The following AP1G1 variants were observed in gnomAD, a reference collection of about 807,000 sequenced individuals.
AP1G1 encodes AP-1 complex subunit gamma-1.
In AP1G1, 7 loss-of-function variants were observed where a neutral mutation model predicts 108.3. That is an observed-to-expected ratio of 0.06 (90% CI 0.04 to 0.12). AP1G1 has a LOEUF of 0.12. Among genes scored for constraint, AP1G1 ranks in the 10% least tolerant of loss-of-function variants. AP1G1 has a pLI of 1.00. For missense variants in AP1G1, 756 were observed against 1,010.7 expected, an observed-to-expected ratio of 0.75 and a Z score of 3.42; for synonymous variants, 379 against 353.5, an observed-to-expected ratio of 1.07 and a Z score of -0.81.
At chr16:71,802,892 C>T (rs538898712) in intron 1 of AP1G1, among the ~76,000 whole-genome samples, 5 of 152,158 alleles carry the variant, frequency 3.3e-5, no homozygotes, top group South Asian at 4.1e-4. Context: ...TGAGAAAACA[C>T]GTAACATCTT....
chr16:71,744,537 G>T (rs1044770926), intron 19 of AP1G1, among the ~76,000 whole-genome samples: 5 of 150,884 alleles, frequency 3.3e-5, no homozygotes, highest in Non-Finnish European at 7.4e-5. Context: ...AAGGTGATAC[G>T]GGATATATTT....
At chr16:71,737,328 G>A (rs1224004074) in intron 21 of AP1G1, among the ~76,000 whole-genome samples, 2 of 151,962 alleles carry the variant, frequency 1.3e-5, no homozygotes, top group Non-Finnish European at 2.9e-5. Context: ...CTATCACCCA[G>A]GCTAAAGTGC....
chr16:71,750,976 G>C (rs1409071181), intron 13 of AP1G1, among the ~76,000 whole-genome samples: 6 of 151,478 alleles, frequency 4.0e-5, no homozygotes, highest in Non-Finnish European at 5.9e-5. Flanking sequence ...CTAACACGAT[G>C]AAACCCCGTC....
intron 9 of AP1G1, 137 bp downstream of exon 9, chr16:71,764,213 T>C (rs1480214888): frequency 1.8e-6 from 1 of 560,662 alleles, no homozygotes; most frequent in Non-Finnish European, 3.2e-6. Context: ...ATACCAAAAA[T>C]CCAGCATTCC....
Position 71,758,925 on chromosome 16 carries a change from G to T in AP1G1, c.975-4C>A, listed in dbSNP as rs760607759. On this transcript the variant is annotated splice_polypyrimidine_tract_variant and splice_region_variant and intron_variant, in intron 10 of 22. Coordinates refer to ENST00000299980, the MANE Select transcript of AP1G1 (RefSeq NM_001128.6). ...CAAAGATGTCAGAGCCACATATCTG[G>T]ATGAAACAGTTGCAAAATAACAGAG... The T allele has an allele frequency of 6.5e-6, 10 of 1,537,058 alleles. No homozygotes were observed. In the Admixed American group the frequency reaches 1.9e-4, roughly 30 times the overall value.
intron 5 of AP1G1, among the ~76,000 whole-genome samples, chr16:71,770,876 T>C (rs1039760050): frequency 2.0e-5 from 3 of 152,230 alleles, no homozygotes; most frequent in Non-Finnish European, 4.4e-5. Context: ...GTAGGCTCAT[T>C]TGTATATTAC....
intron 21 of AP1G1, among the ~76,000 whole-genome samples, chr16:71,736,929 T>C (rs2045557548): frequency 6.6e-6 from 1 of 151,936 alleles, no homozygotes; most frequent in South Asian, 2.1e-4. Context: ...TACATTATCA[T>C]GTTGCACTGT....
rs572733588 is a variant in AP1G1, at chr16:71,734,902, T to C, written c.2269-195A>G. ...TGACTCCCTGTGGTATTTGTAAAAA[T>C]CCACTGTTCGGTTCTTTGATCATGA... On this transcript the variant is annotated intron_variant, in intron 21 of 22. Transcript: ENST00000299980. Among the ~76,000 whole-genome samples the C allele has an allele frequency of 2.0e-5, 3 of 152,336 alleles. No homozygotes were observed. In the South Asian group the frequency reaches 6.2e-4, roughly 32 times the overall value.
At chr16:71,801,846 C>A (rs574960552) in intron 1 of AP1G1, among the ~76,000 whole-genome samples, 45 of 148,834 alleles carry the variant, frequency 3.0e-4, no homozygotes, top group African/African-American at 1.1e-3. Flanking sequence ...GGCATGAACC[C>A]GGGAGGCGGA....
rs1479200599 is a variant in AP1G1, at chr16:71,807,999, G to A, written c.-4+764C>T. Reference sequence around the variant, plus strand: ...TTAATCTGCTTCATAAACATAATCTGCTTCATAAACATTACCCTGAGCGAG... The same window carrying A: ...TTAATCTGCTTCATAAACATAATCTACTTCATAAACATTACCCTGAGCGAG... On this transcript the variant is annotated intron_variant, in intron 1 of 22. Transcript: ENST00000299980. 4 of 1,218,066 alleles carry A rather than the reference G, an allele frequency of 3.3e-6. No homozygotes were observed. The African/African-American group carries it at 6.3e-5, about 19-fold the overall frequency. 75.5% of individuals were successfully genotyped at this position (1,218,066 alleles called of 1,614,324 possible).
At chr16:71,743,536 G>C (rs1295049434) in intron 19 of AP1G1, 1 of 151,480 alleles carries the variant, frequency 6.6e-6, no homozygotes, top group Non-Finnish European at 1.5e-5. Flanking sequence ...GCAGGAGGCA[G>C]AGGTTGAAGT....
At position 71,798,052 on chromosome 16, in the gene AP1G1, C is replaced by A. The variant is rs183179858; in HGVS notation, c.-3-8570G>T. Reference sequence around the variant, plus strand: ...AAATTTAGTAAGAAAGGTATAGGAACTATACGAAAAAAACTACGAAATCTA... The same window carrying A: ...AAATTTAGTAAGAAAGGTATAGGAAATATACGAAAAAAACTACGAAATCTA... On this transcript the variant is annotated intron_variant, in intron 1 of 22. Coordinates refer to ENST00000299980, the MANE Select transcript of AP1G1 (RefSeq NM_001128.6). Among the ~76,000 whole-genome samples the A allele has an allele frequency of 3.0e-3, 464 of 152,216 alleles. 2 individuals are homozygous for A. The highest frequency in any genetic ancestry group is 0.011 in the African/African-American group (442 of 41,542).
At chr16:71,764,262 T>A in intron 9 of AP1G1, 88 bp downstream of exon 9, 1 of 708,202 alleles carries the variant, frequency 1.4e-6, no homozygotes, top group Non-Finnish European at 2.3e-6. Context: ...GAGTTCCAAA[T>A]GGAATACAAT....
chr16:71,746,170 C>T (rs544825827), intron 17 of AP1G1, among the ~76,000 whole-genome samples: 14 of 152,256 alleles, frequency 9.2e-5, no homozygotes, highest in Middle Eastern at 6.8e-3. Flanking sequence ...CCACCATGCC[C>T]AACTAATTTT....
intron 3 of AP1G1, 170 bp downstream of exon 3, chr16:71,774,298 A>C (rs1175726922): frequency 3.1e-6 from 2 of 643,024 alleles, no homozygotes; most frequent in Non-Finnish European, 5.1e-6. Flanking sequence ...GAATCACTTC[A>C]ACCAGACTGG....
chr16:71,731,789 T>G lies in AP1G1; in HGVS notation c.*1269A>C, dbSNP rs566470871. 6.5e-6 allele frequency: 1 copy of G among 152,762 alleles called. No homozygotes were observed. The highest frequency in any genetic ancestry group is 1.9e-4 in the East Asian group (1 of 5,190). 9.5% of individuals were successfully genotyped at this position (152,762 alleles called of 1,614,324 possible). ...TCTCAGACTGAGGAAAGGCTATTCCTACCCTATGGTGTCCGTAAGACCTCC... is the reference window on the plus strand; with the variant it reads ...TCTCAGACTGAGGAAAGGCTATTCCGACCCTATGGTGTCCGTAAGACCTCC... On this transcript the variant is annotated 3_prime_UTR_variant, in exon 23 of 23. Transcript: ENST00000299980.
At chr16:71,763,816 C>G (rs1489777416) in intron 9 of AP1G1, among the ~76,000 whole-genome samples, 1 of 152,038 alleles carries the variant, frequency 6.6e-6, no homozygotes, top group East Asian at 1.9e-4. Context: ...ATAGAATGAA[C>G]AAATTCATGA....
chr16:71,733,373 T>A (rs2045493014), intron 22 of AP1G1, among the ~76,000 whole-genome samples: 2 of 152,190 alleles, frequency 1.3e-5, no homozygotes, highest in African/African-American at 4.8e-5. Flanking sequence ...AAAGCGCATC[T>A]GCAGAATACA....
intron 2 of AP1G1, among the ~76,000 whole-genome samples, chr16:71,778,942 G>A (rs1424257333): frequency 2.0e-5 from 3 of 152,072 alleles, no homozygotes; most frequent in Admixed American, 2.0e-4. Flanking sequence ...TATTTCAATG[G>A]AGTACTACTA....
Sources: gnomAD v4.1 joint callset for allele counts (sites outside exome capture counted in the v4.1 genomes callset) on GRCh38, gnomAD v4.1.1 for gene constraint, MANE v1.5 for transcripts, NCBI Gene and HGNC (gene_info 2026-07-23, HGNC 2026-07-21) for gene names.